Variants in ASTN2 observed in about 807,000 individuals in gnomAD.
ASTN2 encodes the protein astrotactin-2.
Under a neutral mutation model 139.8 loss-of-function variants are expected in ASTN2, and 54 were observed. The observed-to-expected ratio is 0.39, with a 90% CI of 0.31 to 0.48. ASTN2 has a LOEUF of 0.48. Among genes scored for constraint, ASTN2 ranks in the 20% least tolerant of loss-of-function variants. The pLI is 0.95. For synonymous variants in ASTN2, 756 were observed against 719.5 expected, an observed-to-expected ratio of 1.05 and a Z score of -0.81; for missense variants, 1,565 against 1,725.1, an observed-to-expected ratio of 0.91 and a Z score of 1.64.
chr9:116,663,553 G>A (rs1858685524), intron 16 of ASTN2, among the ~76,000 whole-genome samples: 1 of 152,138 alleles, frequency 6.6e-6, no homozygotes, highest in African/African-American at 2.4e-5. Context: ...TGGAAAACAT[G>A]TTCAAGATTG....
chr9:117,414,546 G>T lies in ASTN2; in HGVS notation c.393C>A (p.Ile131=). The T allele has an allele frequency of 6.2e-7, 1 of 1,605,606 alleles. No individual in the cohort carries two copies. The highest frequency in any genetic ancestry group is 1.4e-5 in the African/African-American group (1 of 74,022). ...LFVRNELPGR[I]AVQDDLDNTE... ...TGTTGTCCAGGTCGTCCTGCACCGC[G>T]ATGCGCCCCGGCAGCTCGTTACGCA... The change falls in exon 1 of 23, where the codon ATC becomes ATA. Residue 131 remains isoleucine, a synonymous_variant. Transcript: ENST00000313400. This position sits in a 1 kb window ranked among gnomAD's most constrained non-coding sequence, Gnocchi z 4.2.
At chr9:117,152,760 C>T (rs1166320554) in intron 3 of ASTN2, among the ~76,000 whole-genome samples, 2 of 152,132 alleles carry the variant, frequency 1.3e-5, no homozygotes, top group Non-Finnish European at 2.9e-5. Flanking sequence ...AATTTTACTT[C>T]CTCCAAGTTT....
At chr9:117,172,292 G>T (rs747377416) in intron 3 of ASTN2, among the ~76,000 whole-genome samples, 1 of 152,178 alleles carries the variant, frequency 6.6e-6, no homozygotes, top group Non-Finnish European at 1.5e-5. Context: ...TTAGAATGTG[G>T]CTTGTTTGAC....
At chr9:116,702,744 G>T (rs566295590) in intron 16 of ASTN2, among the ~76,000 whole-genome samples, 1 of 152,242 alleles carries the variant, frequency 6.6e-6, no homozygotes, top group South Asian at 2.1e-4. Flanking sequence ...CTTAGAGGTT[G>T]GTTAAGCCCC....
chr9:116,710,298 A>C (rs1221991995), intron 16 of ASTN2, among the ~76,000 whole-genome samples: 10 of 151,978 alleles, frequency 6.6e-5, no homozygotes, highest in Non-Finnish European at 1.5e-4. Flanking sequence ...ACATCTTTTC[A>C]TATCTTCTTG....
At chr9:116,540,936 T>C (rs1851851236) in intron 19 of ASTN2, among the ~76,000 whole-genome samples, 1 of 151,606 alleles carries the variant, frequency 6.6e-6, no homozygotes, top group South Asian at 2.1e-4. Context: ...TATATGAACA[T>C]GAAAATTTTT....
In ASTN2 at chr9:116,805,618, T is replaced by A; in HGVS notation, c.2396+14A>T. ...GTGACTCAGACAAGCAATGTGCAAG[T>A]ATCTACAGCATACCTAAAGGTCATC... On this transcript the variant is annotated intron_variant, in intron 13 of 22. Transcript: ENST00000313400. The A allele has an allele frequency of 6.2e-7, 1 of 1,611,444 alleles. No homozygotes were observed. The highest frequency in any genetic ancestry group is 1.1e-5 in the South Asian group (1 of 90,724).
At chr9:116,446,226 A>T (rs1190741378) in intron 20 of ASTN2, among the ~76,000 whole-genome samples, 1 of 144,798 alleles carries the variant, frequency 6.9e-6, no homozygotes, top group African/African-American at 2.8e-5. Context: ...AGGGACAGAG[A>T]GAGACAGAGA....
intron 16 of ASTN2, among the ~76,000 whole-genome samples, chr9:116,656,543 T>C (rs1426848977): frequency 2.6e-5 from 4 of 152,140 alleles, no homozygotes; most frequent in Non-Finnish European, 4.4e-5. Flanking sequence ...CTCTGAACAA[T>C]GCTTCCAAAA....
At chr9:116,932,533 T>G (rs780607936) in intron 10 of ASTN2, among the ~76,000 whole-genome samples, 2 of 152,088 alleles carry the variant, frequency 1.3e-5, no homozygotes, top group Admixed American at 6.5e-5. Flanking sequence ...CTGCTGCTCT[T>G]CCCCCTGCTT....
chr9:116,642,457 TGTCTGGCCAATAGGAGCCCCTTAG>T (rs1857390739), intron 17 of ASTN2, among the ~76,000 whole-genome samples: 3 of 152,112 alleles, frequency 2.0e-5, no homozygotes, highest in Admixed American at 2.0e-4. Context: ...CCCAGAACAG[TGTCTGGCCAATAGGAGCCCCTTAG>T]TCAATACTTG....
chr9:116,662,439 G>T (rs749840730), intron 16 of ASTN2, among the ~76,000 whole-genome samples: 2 of 152,014 alleles, frequency 1.3e-5, no homozygotes, highest in Non-Finnish European at 2.9e-5. Context: ...TGGGTGTGGT[G>T]GTGGGCACCT....
intron 10 of ASTN2, among the ~76,000 whole-genome samples, chr9:116,926,836 C>G (rs1000481578): frequency 6.6e-6 from 1 of 152,134 alleles, no homozygotes; most frequent in Non-Finnish European, 1.5e-5. Flanking sequence ...AGTTCTTAAT[C>G]ACTTTATCAG....
At chr9:116,903,847 C>T (rs1238313468) in intron 10 of ASTN2, among the ~76,000 whole-genome samples, 2 of 152,178 alleles carry the variant, frequency 1.3e-5, no homozygotes, top group Non-Finnish European at 2.9e-5. Context: ...GGCTGATGCC[C>T]TGGGGATGTG....
intron 19 of ASTN2, among the ~76,000 whole-genome samples, chr9:116,593,500 T>G (rs984841854): frequency 6.6e-6 from 1 of 152,196 alleles, no homozygotes; most frequent in Non-Finnish European, 1.5e-5. Context: ...CCAAATTATA[T>G]CCTCTGTTCT....
chr9:116,707,285 C>CAAAAAAAA (rs766053427), intron 16 of ASTN2, among the ~76,000 whole-genome samples: 7 of 60,626 alleles, frequency 1.2e-4, no homozygotes, highest in Admixed American at 2.3e-4. Flanking sequence ...GCCCCCTGAC[C>CAAAAAAAA]AAAAAAAAAA....
At chr9:117,363,833 T>C (rs1250416892) in intron 1 of ASTN2, among the ~76,000 whole-genome samples, 1 of 152,166 alleles carries the variant, frequency 6.6e-6, no homozygotes, top group Non-Finnish European at 1.5e-5. Context: ...CCTTATTTCA[T>C]GCAGTCATGC....
chr9:117,121,060 ATC>A (rs1829546185), intron 4 of ASTN2, among the ~76,000 whole-genome samples: 1 of 152,214 alleles, frequency 6.6e-6, no homozygotes. Flanking sequence ...TTTCTTTTCC[ATC>A]TCTATCTGGT....
chr9:117,112,006 T>TAA (rs149500481), intron 4 of ASTN2, among the ~76,000 whole-genome samples: 1 of 148,664 alleles, frequency 6.7e-6, no homozygotes, highest in Admixed American at 6.7e-5. Flanking sequence ...CAGCAAAAGC[T>TAA]AAAAAAAAAA....
Sources: allele counts gnomAD v4.1 joint callset (sites outside exome capture counted in the v4.1 genomes callset), GRCh38; gene constraint gnomAD v4.1.1; non-coding constraint Gnocchi (gnomAD v3.1); transcripts MANE v1.5; gene names NCBI Gene and HGNC (gene_info 2026-07-23, HGNC 2026-07-21).